DIAPH1: variants seen among roughly 807,000 people sequenced by gnomAD.
DIAPH1 encodes diaphanous related formin 1, also known as protein diaphanous homolog 1.
Under a neutral mutation model 140.7 loss-of-function variants are expected in DIAPH1, and 46 were observed. That is an observed-to-expected ratio of 0.33 (90% CI 0.26 to 0.42). The LOEUF is 0.42. DIAPH1 is among the 10% of genes least tolerant of loss of function. The probability of loss-of-function intolerance (pLI) is 1.00; values close to 1 mark genes in which losing one functional copy is unlikely to be tolerated. For synonymous variants in DIAPH1, 565 were observed against 551.6 expected (o/e 1.02, Z -0.34); for missense variants, 1,310 against 1,558.7 (o/e 0.84, Z 2.69).
At chr5:141,594,981 C>T (rs1461699265) in intron 1 of DIAPH1, among the ~76,000 whole-genome samples, 1 of 150,256 alleles carries the variant, frequency 6.7e-6, no homozygotes, top group Non-Finnish European at 1.5e-5. Flanking sequence ...GCAGAGGTTG[C>T]TGTGAGCCGA....
At chr5:141,554,164 C>G (rs2099892184) in intron 18 of DIAPH1, among the ~76,000 whole-genome samples, 1 of 152,020 alleles carries the variant, frequency 6.6e-6, no homozygotes, top group Non-Finnish European at 1.5e-5. Flanking sequence ...GTAATCCCAG[C>G]TACTCGGGAG....
At chr5:141,611,688 A>C (rs754067407) in intron 1 of DIAPH1, among the ~76,000 whole-genome samples, 13 of 152,268 alleles carry the variant, frequency 8.5e-5, no homozygotes, top group Non-Finnish European at 1.6e-4. Context: ...AATGGGCAAA[A>C]TCTTGAACAG....
At chr5:141,539,390 T>C (rs1177466644) in intron 18 of DIAPH1, among the ~76,000 whole-genome samples, 1 of 151,736 alleles carries the variant, frequency 6.6e-6, no homozygotes, top group Non-Finnish European at 1.5e-5. Context: ...AGTGAAGATA[T>C]CTGGGCCTTT....
intron 26 of DIAPH1, among the ~76,000 whole-genome samples, 157 bp downstream of exon 26, chr5:141,525,881 T>C (rs2099887264): frequency 6.6e-6 from 1 of 152,036 alleles, no homozygotes; most frequent in African/African-American, 2.4e-5. Flanking sequence ...GTATCAGAAT[T>C]GGGGTTAAAG....
At chr5:141,569,687 G>A (rs150961074) in intron 18 of DIAPH1, among the ~76,000 whole-genome samples, 3,501 of 152,154 alleles carry the variant, frequency 0.023, 54 homozygotes, top group East Asian at 0.047. Context: ...CCTTGAACCC[G>A]GGAGGCGAAG....
At chr5:141,524,718 G>A (rs1394386341) in intron 26 of DIAPH1, 1 of 232,818 alleles carries the variant, frequency 4.3e-6, no homozygotes, top group African/African-American at 2.3e-5. Flanking sequence ...TGATGTCTAA[G>A]TCCTCTGCAT....
chr5:141,602,310 C>T (rs1023719805), intron 1 of DIAPH1, among the ~76,000 whole-genome samples: 6 of 152,128 alleles, frequency 3.9e-5, no homozygotes, highest in Non-Finnish European at 5.9e-5. Flanking sequence ...TACGCCCCTG[C>T]GTTCAGACCA....
Position 141,542,102 on chromosome 5 carries a change from C to T in DIAPH1, c.2483-7669G>A, listed in dbSNP as rs114171217. On this transcript the variant is annotated intron_variant, in intron 18 of 27. Transcript: ENST00000389054. ...AAATGGATACAAGTACATGCACATT[C>T]ATAGCAGCTCTATTCAAAATAGACA... Among the ~76,000 whole-genome samples, 162 of 152,308 alleles carry T rather than the reference C, an allele frequency of 1.1e-3. 2 individuals are homozygous for T. The highest frequency in any genetic ancestry group is 3.8e-3 in the African/African-American group (156 of 41,568).
At chr5:141,576,353 C>T (rs1018140403) in intron 13 of DIAPH1, 59 bp from the exon 14 acceptor site, 1 of 1,246,718 alleles carries the variant, frequency 8.0e-7, no homozygotes, top group South Asian at 1.2e-5. Context: ...ATTTCTTTCA[C>T]ACTACACCCT....
intron 1 of DIAPH1, among the ~76,000 whole-genome samples, chr5:141,613,694 T>C (rs1175462348): frequency 6.6e-6 from 1 of 152,230 alleles, no homozygotes; most frequent in Admixed American, 6.5e-5. Context: ...GTAAAATTCA[T>C]TAAAATATTA....
chr5:141,537,243 G>A (rs1261700516), intron 18 of DIAPH1, among the ~76,000 whole-genome samples: 3 of 151,988 alleles, frequency 2.0e-5, no homozygotes, highest in Admixed American at 6.6e-5. Flanking sequence ...CAGCACTTTG[G>A]GAGGCTGAGG....
intron 1 of DIAPH1, among the ~76,000 whole-genome samples, chr5:141,592,252 T>C (rs2154596863): frequency 6.6e-6 from 1 of 152,108 alleles, no homozygotes; most frequent in East Asian, 1.9e-4. Context: ...GCCCAGTCAG[T>C]ACAAGCAAAA....
chr5:141,574,016 G>C lies in DIAPH1; in HGVS notation c.1834C>G (p.Pro612Ala), dbSNP rs761554818. Reference sequence around the variant, plus strand: ...GGAGGTGGAGGAGGAGGAGGAGGAGGAGGAGGAGGAGGAGTGGTACTATCC... The same window carrying C: ...GGAGGTGGAGGAGGAGGAGGAGGAGCAGGAGGAGGAGGAGTGGTACTATCC... The part of the protein sequence containing the change: ...PGDSTTPPPP[P>A]PPPPPPPPLP... The change falls in exon 16 of 28, where the codon CCT (proline) becomes GCT (alanine). Residue 612 changes from proline to alanine, a missense_variant. By Grantham distance (27) the Pro-to-Ala change is conservative. Transcript: ENST00000389054. 3.8e-6 allele frequency: 6 copies of C among 1,561,656 alleles called. No individual in the cohort carries two copies. The highest frequency in any genetic ancestry group is 5.2e-6 in the Non-Finnish European group (6 of 1,153,370).
At chr5:141,560,029 C>G (rs2099893277) in intron 18 of DIAPH1, among the ~76,000 whole-genome samples, 1 of 152,202 alleles carries the variant, frequency 6.6e-6, no homozygotes, top group African/African-American at 2.4e-5. Flanking sequence ...TATTTCTGTA[C>G]ACATCTCTAA....
intron 1 of DIAPH1, among the ~76,000 whole-genome samples, chr5:141,602,872 A>G (rs1267129607): frequency 6.6e-6 from 1 of 152,200 alleles, no homozygotes; most frequent in Non-Finnish European, 1.5e-5. Context: ...AATTGAATCA[A>G]CATTTCATCT....
At position 141,527,637 on chromosome 5, in the gene DIAPH1, T is replaced by G. The variant is rs760138089; in HGVS notation, c.3209A>C (p.Glu1070Ala). 8.7e-6 allele frequency: 14 copies of G among 1,606,308 alleles called. No individual in the cohort carries two copies. The highest frequency in any genetic ancestry group is 1.4e-5 in the African/African-American group (1 of 73,246). Residue 1070 changes from glutamate (E) to alanine (A), a missense_variant, in exon 24 of 28, where the codon GAA becomes GCA. This residue lies in a region of DIAPH1 where 344 missense variants were observed against 512.2 expected (regional missense o/e 0.67). Transcript: ENST00000389054. Reference sequence around the variant, plus strand: ...AGCTGGGAAATTCTGAACATCACGTTCCACATCAGAAATTTGTTTCTTCAT... The same window carrying G: ...AGCTGGGAAATTCTGAACATCACGTGCCACATCAGAAATTTGTTTCTTCAT... ...DQMKKQISDV[E>A]RDVQNFPAAT...
chr5:141,618,587 G>A lies in DIAPH1; in HGVS notation c.117+211C>T, dbSNP rs952559009. The A allele has an allele frequency of 1.1e-5, 5 of 469,350 alleles. No homozygotes were observed. In the Admixed American group the frequency reaches 1.3e-4, roughly 12 times the overall value. 29.1% of individuals were successfully genotyped at this position (469,350 alleles called of 1,614,324 possible). Reference sequence around the variant, plus strand: ...GCTGGGGAACGAGGGAAGCCCCGAGGTGGCCGGGGCAAGAGCCGGGTGGGA... The same window carrying A: ...GCTGGGGAACGAGGGAAGCCCCGAGATGGCCGGGGCAAGAGCCGGGTGGGA... On this transcript the variant is annotated intron_variant, in intron 1 of 27. Transcript: ENST00000389054.
At chr5:141,579,975 C>A (rs1455071073) in intron 8 of DIAPH1, among the ~76,000 whole-genome samples, 2 of 150,548 alleles carry the variant, frequency 1.3e-5, no homozygotes, top group African/African-American at 4.9e-5. Context: ...AAAAAAAAAT[C>A]TGTAAGTCCA....
intron 18 of DIAPH1, among the ~76,000 whole-genome samples, chr5:141,535,468 CAATT>C (rs1299811454): frequency 2.0e-5 from 3 of 152,326 alleles, no homozygotes; most frequent in South Asian, 2.1e-4. Flanking sequence ...TCTCATCCAA[CAATT>C]AATTATTCAA....
Sources: allele counts gnomAD v4.1 joint callset (sites outside exome capture counted in the v4.1 genomes callset), GRCh38; gene constraint gnomAD v4.1.1; regional missense constraint gnomAD v4.1.1; transcripts MANE v1.5; gene names NCBI Gene and HGNC (gene_info 2026-07-23, HGNC 2026-07-21).